The following GARRE1 variants were observed in gnomAD, a reference collection of about 807,000 sequenced individuals.
The protein encoded by GARRE1 is granule associated Rac and RHOG effector protein 1.
A neutral mutation model predicts 103.2 loss-of-function variants in GARRE1; 49 were observed. That is an observed-to-expected ratio of 0.47 (90% confidence interval 0.38 to 0.60). GARRE1 has a LOEUF of 0.60. Among genes scored for constraint, GARRE1 ranks in the 20% least tolerant of loss-of-function variants. The pLI is 0.00. For synonymous variants in GARRE1, 505 were observed against 532.8 expected (o/e 0.95, Z 0.72); for missense variants, 1,199 against 1,370.5 (o/e 0.87, Z 1.98).
rs1253509124 is a variant in GARRE1 at position 34,300,820 on chromosome 19, A to C, written c.347A>C (p.Gln116Pro). The stretch of plus-strand genomic sequence containing the variant: ...TCTCACTACTCAAAGGCAGCCACAC[A>C]GCTCAAAGATGTGCAGGAGCATGTC... ...RNSHYSKAAT[Q>P]LKDVQEHVME... The change falls in exon 2 of 14, where the codon CAG becomes CCG. Residue 116 changes from glutamine to proline, a missense_variant. Coordinates refer to ENST00000299505, the MANE Select transcript of GARRE1 (RefSeq NM_014686.5). 1 of 1,614,208 alleles carries C rather than the reference A, an allele frequency of 6.2e-7. No homozygotes were observed. Among genetic ancestry groups the C allele is most frequent in the Non-Finnish European group, 8.5e-7 (1 of 1,180,038 alleles).
At chr19:34,327,359 G>C in intron 3 of GARRE1, 62 bp from the exon 4 acceptor site, 1 of 1,449,712 alleles carries the variant, frequency 6.9e-7, no homozygotes, top group Non-Finnish European at 9.6e-7. Context: ...TGTTATTGTT[G>C]GTCTAATGTT....
At chr19:34,337,150 T>C (rs965514742) in intron 8 of GARRE1, among the ~76,000 whole-genome samples, 2 of 151,950 alleles carry the variant, frequency 1.3e-5, no homozygotes, top group African/African-American at 4.8e-5. Context: ...AAAAAGGATA[T>C]TGCTATCCAT....
At chr19:34,335,985 A>G (rs2074159409) in intron 8 of GARRE1, among the ~76,000 whole-genome samples, 1 of 151,652 alleles carries the variant, frequency 6.6e-6, no homozygotes, top group African/African-American at 2.4e-5. Flanking sequence ...TTTTTAAATT[A>G]TTATTATTAT....
chr19:34,286,722 C>T (rs1424628051), intron 1 of GARRE1, among the ~76,000 whole-genome samples: 6 of 151,622 alleles, frequency 4.0e-5, no homozygotes, highest in African/African-American at 9.7e-5. Flanking sequence ...AGGATGGTCT[C>T]GATCTCCTGA....
At chr19:34,324,558 C>T (rs932338030) in intron 3 of GARRE1, among the ~76,000 whole-genome samples, 4 of 148,830 alleles carry the variant, frequency 2.7e-5, no homozygotes, top group Admixed American at 1.4e-4. Context: ...GGCTGGAGTG[C>T]GGTAGTGATC....
chr19:34,304,115 C>T (rs555844231), intron 2 of GARRE1, among the ~76,000 whole-genome samples: 2 of 149,362 alleles, frequency 1.3e-5, no homozygotes, highest in South Asian at 2.1e-4. Flanking sequence ...TTTTTTTAGA[C>T]AGAGTCTTGC....
chr19:34,296,226 C>G (rs1028381461), intron 1 of GARRE1: 3 of 585,754 alleles, frequency 5.1e-6, no homozygotes, highest in Non-Finnish European at 9.1e-6. Flanking sequence ...GACGGCAGCC[C>G]GAGGGGGTCG....
At chr19:34,257,003 T>C (rs902030535) in intron 1 of GARRE1, among the ~76,000 whole-genome samples, 6 of 152,206 alleles carry the variant, frequency 3.9e-5, no homozygotes, top group African/African-American at 1.4e-4. Context: ...CTTTTCAGTG[T>C]GGCATTTGAG....
intron 2 of GARRE1, among the ~76,000 whole-genome samples, chr19:34,307,034 G>A (rs915337767): frequency 3.3e-5 from 5 of 152,282 alleles, no homozygotes; most frequent in Admixed American, 6.5e-5. Flanking sequence ...AGGGAGCGCC[G>A]AGCACAGAGT....
chr19:34,289,161 A>C (rs1335349795), intron 1 of GARRE1, among the ~76,000 whole-genome samples: 1 of 150,134 alleles, frequency 6.7e-6, no homozygotes, highest in Non-Finnish European at 1.5e-5. Context: ...CTGGTTGGGC[A>C]TGGCGGCTCA....
chr19:34,346,513 A>G (rs531241362), intron 10 of GARRE1, among the ~76,000 whole-genome samples: 13 of 152,278 alleles, frequency 8.5e-5, no homozygotes, highest in African/African-American at 2.4e-4. Context: ...GCTGACCCCA[A>G]TGCTTTGATG....
intron 1 of GARRE1, among the ~76,000 whole-genome samples, chr19:34,271,071 T>C (rs2073784220): frequency 6.6e-6 from 1 of 152,170 alleles, no homozygotes; most frequent in South Asian, 2.1e-4. Context: ...ATTGAATTAC[T>C]AATTACTAAC....
At chr19:34,338,881 G>A (rs548764070) in intron 8 of GARRE1, among the ~76,000 whole-genome samples, 1 of 152,264 alleles carries the variant, frequency 6.6e-6, no homozygotes. Context: ...CTATATGAAG[G>A]ATGGGCTTTG....
chr19:34,334,787 C>T (rs1252184104), intron 8 of GARRE1, among the ~76,000 whole-genome samples: 1 of 151,854 alleles, frequency 6.6e-6, no homozygotes, highest in Non-Finnish European at 1.5e-5. Context: ...GGTGGGGTGG[C>T]TCACACCTGT....
At chr19:34,321,112 A>G (rs2074086204) in intron 3 of GARRE1, among the ~76,000 whole-genome samples, 1 of 124,062 alleles carries the variant, frequency 8.1e-6, no homozygotes, top group Non-Finnish European at 1.6e-5. Context: ...GCTGGAGTGC[A>G]GTGGCGTGAT....
intron 1 of GARRE1, among the ~76,000 whole-genome samples, chr19:34,267,493 A>G (rs2073759511): frequency 6.6e-6 from 1 of 152,062 alleles, no homozygotes; most frequent in African/African-American, 2.4e-5. Flanking sequence ...GGTATGAGCC[A>G]CCGTGCCCAG....
chr19:34,296,784 A>G (rs1395962853), intron 1 of GARRE1, among the ~76,000 whole-genome samples: 1 of 152,012 alleles, frequency 6.6e-6, no homozygotes, highest in African/African-American at 2.4e-5. Flanking sequence ...TAGAACTGGA[A>G]CCCTCACATT....
chr19:34,266,833 A>T (rs967958990), intron 1 of GARRE1, among the ~76,000 whole-genome samples: 1 of 152,102 alleles, frequency 6.6e-6, no homozygotes, highest in Non-Finnish European at 1.5e-5. Context: ...TGAGAAAAAA[A>T]TTTCTAAATT....
At chr19:34,324,222 C>T (rs2074101907) in intron 3 of GARRE1, among the ~76,000 whole-genome samples, 1 of 152,202 alleles carries the variant, frequency 6.6e-6, no homozygotes, top group African/African-American at 2.4e-5. Flanking sequence ...TGTTTCTCTG[C>T]TCTTTTCTCA....
Sources: allele counts gnomAD v4.1 joint callset (sites outside exome capture counted in the v4.1 genomes callset), GRCh38; gene constraint gnomAD v4.1.1; transcripts MANE v1.5; gene names NCBI Gene and HGNC (gene_info 2026-07-23, HGNC 2026-07-21).